Variants in RAD51B observed in about 807,000 individuals in gnomAD.
RAD51B encodes RAD51 paralog B, also known as DNA repair protein RAD51 homolog 2.
RAD51B carries 38 observed loss-of-function variants against 42.2 expected under a neutral mutation model. The observed-to-expected ratio is 0.90, with a 90% CI of 0.70 to 1.18. The LOEUF is 1.18. RAD51B is among the 50% of genes most tolerant of loss of function. The pLI, the probability that RAD51B is intolerant of heterozygous loss-of-function variation, is 0.00. For missense variants in RAD51B, 373 were observed against 400.7 expected, an observed-to-expected ratio of 0.93 and a Z score of 0.59; for synonymous variants, 154 against 145.2, an observed-to-expected ratio of 1.06 and a Z score of -0.43.
At chr14:68,510,134 C>T (rs1485341807) in intron 10 of RAD51B, among the ~76,000 whole-genome samples, 1 of 152,144 alleles carries the variant, frequency 6.6e-6, no homozygotes, top group East Asian at 1.9e-4. Context: ...TCTGTGCCTT[C>T]CAGGATCTGT....
intron 7 of RAD51B, among the ~76,000 whole-genome samples, chr14:68,014,637 A>G (rs555640299): frequency 2.6e-5 from 4 of 152,120 alleles, no homozygotes; most frequent in South Asian, 4.2e-4. Context: ...AGAAATTTGT[A>G]TGGTCAAAAC....
At chr14:68,123,728 A>C (rs2077699723) in intron 7 of RAD51B, among the ~76,000 whole-genome samples, 1 of 152,148 alleles carries the variant, frequency 6.6e-6, no homozygotes, top group Non-Finnish European at 1.5e-5. Context: ...GAATTGCTTC[A>C]ACCCGGGAGG....
At chr14:68,384,757 T>G (rs982491060) in intron 8 of RAD51B, among the ~76,000 whole-genome samples, 4 of 152,212 alleles carry the variant, frequency 2.6e-5, no homozygotes, top group African/African-American at 9.7e-5. Flanking sequence ...TAAGCAATCG[T>G]TATATGGAAT....
At chr14:68,323,710 G>A (rs146269090) in intron 8 of RAD51B, among the ~76,000 whole-genome samples, 283 of 152,302 alleles carry the variant, frequency 1.9e-3, no homozygotes, top group Non-Finnish European at 2.5e-3. Context: ...CAGGAGAATC[G>A]CATGAACCTG....
intron 7 of RAD51B, among the ~76,000 whole-genome samples, chr14:67,912,862 TG>T (rs1455558897): frequency 6.6e-6 from 1 of 151,986 alleles, no homozygotes; most frequent in South Asian, 2.1e-4. Flanking sequence ...CCTGCCACCA[TG>T]CCCGGCTAAT....
chr14:68,259,260 G>C (rs1052300175), intron 7 of RAD51B, among the ~76,000 whole-genome samples: 2 of 148,688 alleles, frequency 1.3e-5, no homozygotes, highest in Non-Finnish European at 3.0e-5. Flanking sequence ...ACCTGTGAGT[G>C]AGGACACAGG....
At chr14:67,924,886 C>A (rs1204234403) in intron 7 of RAD51B, among the ~76,000 whole-genome samples, 3 of 152,244 alleles carry the variant, frequency 2.0e-5, no homozygotes, top group Non-Finnish European at 4.4e-5. Flanking sequence ...TCCAGCGTCT[C>A]ATCAGAGACA....
At chr14:68,334,952 A>G (rs1383360812) in intron 8 of RAD51B, among the ~76,000 whole-genome samples, 1 of 78,396 alleles carries the variant, frequency 1.3e-5, no homozygotes, top group African/African-American at 3.8e-5. Context: ...AGTATTATAT[A>G]TGTTTTATAT....
chr14:68,482,187 GTGTGTGTGTGTA>G (rs1266651004), downstream of RAD51B, among the ~76,000 whole-genome samples: 7 of 151,848 alleles, frequency 4.6e-5, no homozygotes, highest in Admixed American at 1.3e-4. Flanking sequence ...GTGTGTGTGT[GTGTGTGTGTGTA>G]TGTGTGTGTG....
intron 10 of RAD51B, among the ~76,000 whole-genome samples, chr14:68,525,620 G>A (rs901925078): frequency 6.6e-6 from 1 of 152,138 alleles, no homozygotes; most frequent in Non-Finnish European, 1.5e-5. Context: ...TCTTCTTGAC[G>A]AGTGATGTTC....
At chr14:68,175,178 C>T (rs536683188) in intron 7 of RAD51B, among the ~76,000 whole-genome samples, 106 of 152,246 alleles carry the variant, frequency 7.0e-4, no homozygotes, top group African/African-American at 2.4e-3. Context: ...CTGAGACTTA[C>T]AACTTCAAAC....
chr14:68,280,569 A>G lies in RAD51B; in HGVS notation c.757-11315A>G, dbSNP rs569609222. On this transcript the variant is annotated intron_variant, in intron 7 of 10. Coordinates refer to ENST00000471583, the MANE Select transcript of RAD51B (RefSeq NM_133510.4). Reference sequence around the variant, plus strand: ...AAAATAAGCCAACACAACTCAAGCAATTGGTAGGGGTCTGACACATAGGAA... The same window carrying G: ...AAAATAAGCCAACACAACTCAAGCAGTTGGTAGGGGTCTGACACATAGGAA... Among the ~76,000 whole-genome samples the G allele has an allele frequency of 2.6e-5, 4 of 152,286 alleles. No individual in the cohort carries two copies. The South Asian group carries it at 8.3e-4, about 32-fold the overall frequency.
chr14:67,938,611 G>A (rs74802091), intron 7 of RAD51B, among the ~76,000 whole-genome samples: 2 of 152,196 alleles, frequency 1.3e-5, no homozygotes, highest in Middle Eastern at 3.2e-3. Context: ...CTGTGAAATA[G>A]TAGGGGCTTC....
At chr14:67,855,917 T>G (rs184956484) in intron 4 of RAD51B, among the ~76,000 whole-genome samples, 392 of 152,354 alleles carry the variant, frequency 2.6e-3, no homozygotes, top group Non-Finnish European at 3.2e-3. Flanking sequence ...GAAAGGCAGA[T>G]AACTAGGCCT....
intron 7 of RAD51B, among the ~76,000 whole-genome samples, chr14:68,100,044 G>A (rs574257626): frequency 6.6e-6 from 1 of 152,090 alleles, no homozygotes; most frequent in South Asian, 2.1e-4. Context: ...AAAGGGAGGG[G>A]GAAGTTCTTT....
At chr14:68,195,391 C>T (rs1452633029) in intron 7 of RAD51B, among the ~76,000 whole-genome samples, 2 of 122,406 alleles carry the variant, frequency 1.6e-5, no homozygotes, top group Non-Finnish European at 3.7e-5. Context: ...ACCATCTCAG[C>T]TTCTCCAGTC....
chr14:68,187,501 G>T (rs2079181552), intron 7 of RAD51B, among the ~76,000 whole-genome samples: 1 of 152,190 alleles, frequency 6.6e-6, no homozygotes, highest in South Asian at 2.1e-4. Flanking sequence ...CAACCTTTGT[G>T]ATTATGGGCC....
downstream of RAD51B, among the ~76,000 whole-genome samples, chr14:68,480,756 G>C (rs1438222062): frequency 6.6e-6 from 1 of 152,110 alleles, no homozygotes; most frequent in Non-Finnish European, 1.5e-5. Flanking sequence ...AGGGACTGCT[G>C]TCTCTTTCCT....
intron 4 of RAD51B, among the ~76,000 whole-genome samples, chr14:67,842,778 C>T (rs750676975): frequency 9.2e-5 from 14 of 152,080 alleles, no homozygotes; most frequent in Admixed American, 5.2e-4. Context: ...CCAAATTTTG[C>T]CTGTTTAGAA....
Sources: gnomAD v4.1 joint callset for allele counts (sites outside exome capture counted in the v4.1 genomes callset) on GRCh38, gnomAD v4.1.1 for gene constraint, MANE v1.5 for transcripts, NCBI Gene and HGNC (gene_info 2026-07-23, HGNC 2026-07-21) for gene names.